The following CEACAM16 variants were observed in gnomAD, a reference collection of about 807,000 sequenced individuals.
CEACAM16 encodes the protein CEA cell adhesion molecule 16, tectorial membrane component, also known as cell adhesion molecule CEACAM16.
A neutral mutation model predicts 39.4 loss-of-function variants in CEACAM16; 30 were observed. The ratio of observed to expected loss-of-function variants is 0.76; its 90% CI spans 0.57 to 1.03. The LOEUF is 1.03. CEACAM16 is among the 50% of genes least tolerant of loss of function. CEACAM16 has a pLI of 0.00. For synonymous variants in CEACAM16, 262 were observed against 264.9 expected (o/e 0.99, Z 0.11); for missense variants, 521 against 585.3 (o/e 0.89, Z 1.13).
In CEACAM16 at chr19:44,708,071, C is replaced by T; in HGVS notation, c.1151C>T (p.Pro384Leu). The change falls in exon 6 of 7, where the codon CCC becomes CTC. Residue 384 changes from proline to leucine, a missense_variant. Transcript: ENST00000587331. ...CACACAGGCCGGGAGGTGGGCTTCCCCAACTGCTCGCTGTTGGTGCAGAAG... is the reference window on the plus strand; with the variant it reads ...CACACAGGCCGGGAGGTGGGCTTCCTCAACTGCTCGCTGTTGGTGCAGAAG... ...PAHTGREVGF[P>L]NCSLLVQKLN... The T allele has an allele frequency of 1.2e-6, 2 of 1,612,696 alleles. No individual in the cohort carries two copies. Among genetic ancestry groups the T allele is most frequent in the Non-Finnish European group, 1.7e-6 (2 of 1,179,560 alleles).
At chr19:44,707,500 T>C (rs550846862) in intron 5 of CEACAM16, among the ~76,000 whole-genome samples, 2 of 151,984 alleles carry the variant, frequency 1.3e-5, no homozygotes, top group Non-Finnish European at 2.9e-5. Flanking sequence ...GGGGAAGACA[T>C]GGTCCCCATT....
intron 6 of CEACAM16, among the ~76,000 whole-genome samples, chr19:44,708,548 A>G (rs1974488146): frequency 6.6e-6 from 1 of 152,120 alleles, no homozygotes; most frequent in Admixed American, 6.5e-5. Flanking sequence ...AGACAGGTGG[A>G]CCCTAAAACA....
chr19:44,705,755 A>T lies in CEACAM16; in HGVS notation c.827A>T (p.Asp276Val). Reference protein sequence around the residue: ...FNGQALKNGQDHLNISSMTAA... With the variant: ...FNGQALKNGQVHLNISSMTAA... ...GGGCAGGCCCTAAAGAACGGCCAAGACCACCTCAACATCAGCAGCATGACA... is the reference window on the plus strand; with the variant it reads ...GGGCAGGCCCTAAAGAACGGCCAAGTCCACCTCAACATCAGCAGCATGACA... The change falls in exon 5 of 7, where the codon GAC becomes GTC. Residue 276 changes from aspartate (D) to valine (V), a missense_variant. By Grantham distance (152) the Asp-to-Val change is radical. Coordinates refer to ENST00000587331, the MANE Select transcript of CEACAM16 (RefSeq NM_001039213.4). 6.2e-7 allele frequency: 1 copy of T among 1,614,000 alleles called. No homozygotes were observed.
chr19:44,699,432 T>C, intron 1 of CEACAM16, 172 bp downstream of exon 1: 1 of 237,876 alleles, frequency 4.2e-6, no homozygotes, highest in Non-Finnish European at 9.1e-6. Flanking sequence ...GAGCCTATAC[T>C]TTTTTTTTTT....
Position 44,703,236 on chromosome 19 carries a change from TAC to T in CEACAM16, c.38-109_38-108del, listed in dbSNP as rs1205448915. The stretch of plus-strand genomic sequence containing the variant: ...AATCCTGGTTTTGCCTGTCCTCATT[TAC>T]ACAGAGGACACTGGGCTGGGGACAT... On this transcript the variant is annotated intron_variant, in intron 2 of 6. Transcript: ENST00000587331. The T allele has an allele frequency of 2.0e-5, 19 of 927,578 alleles. 1 individual carries two copies. The South Asian group carries it at 2.7e-4, about 13-fold the overall frequency. The allele number at this position is 927,578 out of a possible 1,614,324, so 57.5% of individuals were successfully genotyped here.
At position 44,701,191 on chromosome 19, in the gene CEACAM16, G is replaced by A. The variant is rs562952481; in HGVS notation, c.-96-170G>A. ...CTCCCAGTACCAAATCCAGGCCCTC[G>A]GCACAAAGAGGGTTAGGCGGCTGCC... is the stretch of plus-strand genomic sequence containing the variant. On this transcript the variant is annotated intron_variant, in intron 1 of 6. Coordinates refer to ENST00000587331, the MANE Select transcript of CEACAM16 (RefSeq NM_001039213.4). The surrounding 1 kb of genome is among the most constrained non-coding windows in gnomAD (Gnocchi z 4.0). 3.3e-5 allele frequency among the ~76,000 whole-genome samples: 5 copies of A among 152,114 alleles called. No homozygotes were observed. The highest frequency in any genetic ancestry group is 4.4e-5 in the Non-Finnish European group (3 of 68,010).
At chr19:44,707,110 T>G (rs991413328) in intron 5 of CEACAM16, among the ~76,000 whole-genome samples, 1 of 152,142 alleles carries the variant, frequency 6.6e-6, no homozygotes. Context: ...GGGGAGAAAT[T>G]TCCTTCTGAT....
intron 6 of CEACAM16, 133 bp from the exon 7 acceptor site, chr19:44,710,363 C>T (rs1974517808): frequency 2.2e-6 from 2 of 911,832 alleles, no homozygotes; most frequent in Non-Finnish European, 1.7e-6. Context: ...CTGGCACAGG[C>T]TGAGCGTGGG....
At chr19:44,706,212 G>A (rs1027900733) in intron 5 of CEACAM16, among the ~76,000 whole-genome samples, 1 of 144,230 alleles carries the variant, frequency 6.9e-6, no homozygotes, top group African/African-American at 2.5e-5. Flanking sequence ...CACACAGACA[G>A]CTGAAATTCT....
At position 44,706,053 on chromosome 19, in the gene CEACAM16, G is replaced by A. The variant is rs115449627; in HGVS notation, c.940+185G>A. ...ATCTGGGTCTAAAGAGAGACAGCCCGTGTCCTGTTCACCTAGAGAACAAAT... is the reference window on the plus strand; with the variant it reads ...ATCTGGGTCTAAAGAGAGACAGCCCATGTCCTGTTCACCTAGAGAACAAAT... On this transcript the variant is annotated intron_variant, in intron 5 of 6. Transcript: ENST00000587331. Among the ~76,000 whole-genome samples the A allele has an allele frequency of 1.5e-3, 223 of 152,286 alleles. 1 individual carries two copies. Among genetic ancestry groups the A allele is most frequent in the African/African-American group, 5.1e-3 (212 of 41,552 alleles).
At position 44,707,948 on chromosome 19, in the gene CEACAM16, A is replaced by G. The variant is rs1974476365; in HGVS notation, c.1028A>G (p.Lys343Arg). Residue 343 changes from lysine to arginine, a missense_variant, in exon 6 of 7, where the codon AAG becomes AGG. Physicochemically the swap from Lys to Arg is conservative, Grantham distance 26 (BLOSUM62 2). Coordinates refer to ENST00000587331, the MANE Select transcript of CEACAM16 (RefSeq NM_001039213.4). The stretch of plus-strand genomic sequence containing the variant: ...ACACTGACCGTGCAGGGCTACCCCA[A>G]GGACCTGCTGGTCTACGCCTGGTAC... ...DVTLTVQGYP[K>R]DLLVYAWYRG... 6.2e-7 allele frequency: 1 copy of G among 1,601,926 alleles called. No homozygotes were observed. Among genetic ancestry groups the G allele is most frequent in the Non-Finnish European group, 8.5e-7 (1 of 1,172,980 alleles).
chr19:44,704,142 G>A lies in CEACAM16; in HGVS notation c.507G>A (p.Gly169=), dbSNP rs930781533. ...TAEVRWFFNG[G]ALPVALRLGL... ...AGGTCCGCTGGTTCTTCAACGGTGG[G>A]GCCCTGCCCGTCGCTCTCCGCCTGG... The change falls in exon 4 of 7, where the codon GGG becomes GGA. Residue 169 remains glycine (G), a synonymous_variant. Coordinates refer to ENST00000587331, the MANE Select transcript of CEACAM16 (RefSeq NM_001039213.4). The A allele has an allele frequency of 1.3e-6, 2 of 1,594,058 alleles. No homozygotes were observed. The highest frequency in any genetic ancestry group is 3.6e-4 in the Middle Eastern group (2 of 5,528).
chr19:44,707,755 T>G, intron 5 of CEACAM16, 106 bp from the exon 6 acceptor site: 5 of 990,318 alleles, frequency 5.0e-6, no homozygotes, highest in Non-Finnish European at 7.3e-6. Context: ...CCCAGCACCC[T>G]ACATGGGGAG....
intron 6 of CEACAM16, 33 bp downstream of exon 6, chr19:44,708,220 T>C: frequency 6.8e-7 from 1 of 1,475,580 alleles, no homozygotes; most frequent in Non-Finnish European, 9.1e-7. Context: ...GGCGTGCCCC[T>C]TTTTAGACAA....
chr19:44,704,430 C>T (rs1974408320), intron 4 of CEACAM16, 134 bp downstream of exon 4: 1 of 1,172,944 alleles, frequency 8.5e-7, no homozygotes, highest in East Asian at 2.6e-5. Flanking sequence ...AGGGACCCCT[C>T]TTAAAGTGCA....
chr19:44,707,851 C>A lies in CEACAM16; in HGVS notation c.941-10C>A. ...ACCAAACTGACCCAGCCCGCTCGCT[C>A]TCTCCCCAGCTGCAGCAGTTGCCAC... On this transcript the variant is annotated splice_polypyrimidine_tract_variant and intron_variant, in intron 5 of 6. Coordinates refer to ENST00000587331, the MANE Select transcript of CEACAM16 (RefSeq NM_001039213.4). 1 of 1,523,096 alleles carries A rather than the reference C, an allele frequency of 6.6e-7. No homozygotes were observed. The highest frequency in any genetic ancestry group is 1.3e-5 in the South Asian group (1 of 77,158). The allele number at this position is 1,523,096 out of a possible 1,614,324, so 94.3% of individuals were successfully genotyped here. A position where few individuals can be genotyped will look rare whatever the true frequency, so the allele number is the denominator to read the frequency against.
intron 3 of CEACAM16, 28 bp from the exon 4 acceptor site, chr19:44,703,990 C>G (rs762421371): frequency 6.4e-7 from 1 of 1,556,412 alleles, no homozygotes; most frequent in Non-Finnish European, 8.7e-7. Flanking sequence ...TGTCCGGCCC[C>G]CTCCCCCTCT....
In CEACAM16 at chr19:44,710,595, C is replaced by T. The variant is rs910264024; in HGVS notation, c.*89C>T. On this transcript the variant is annotated 3_prime_UTR_variant, in exon 7 of 7. Transcript: ENST00000587331. Reference sequence around the variant, plus strand: ...CTGAGTGGGAACCACTCCCCCACAGCGAGGATGCCAGGCTGTGGTCCTGCT... The same window carrying T: ...CTGAGTGGGAACCACTCCCCCACAGTGAGGATGCCAGGCTGTGGTCCTGCT... The T allele has an allele frequency of 4.5e-6, 7 of 1,561,580 alleles. No homozygotes were observed. Among genetic ancestry groups the T allele is most frequent in the Admixed American group, 1.7e-5 (1 of 59,776 alleles).
At chr19:44,704,436 G>A (rs1974408502) in intron 4 of CEACAM16, 140 bp downstream of exon 4, 1 of 1,140,154 alleles carries the variant, frequency 8.8e-7, no homozygotes, top group South Asian at 1.7e-5. Context: ...CCCTCTTAAA[G>A]TGCACTTGCC....
Sources: gnomAD v4.1 joint callset for allele counts (sites outside exome capture counted in the v4.1 genomes callset) on GRCh38, gnomAD v4.1.1 for gene constraint, Gnocchi (gnomAD v3.1) non-coding constraint, MANE v1.5 for transcripts, NCBI Gene and HGNC (gene_info 2026-07-23, HGNC 2026-07-21) for gene names.